AFG1L: variants seen among roughly 807,000 people sequenced by gnomAD.
AFG1L encodes the protein AFG1-like ATPase.
Under a neutral mutation model 62.2 loss-of-function variants are expected in AFG1L, and 53 were observed. The ratio of observed to expected loss-of-function variants is 0.85; its 90% CI spans 0.68 to 1.07. The LOEUF (loss-of-function observed/expected upper bound fraction) is 1.07. Ranked by LOEUF, AFG1L falls within the 50% of genes least tolerant of loss-of-function variation. The pLI is 0.00. For synonymous variants in AFG1L, 228 were observed against 210.3 expected (o/e 1.08, Z -0.73); for missense variants, 555 against 590.5 (o/e 0.94, Z 0.62).
chr6:108,474,121 G>A lies in AFG1L; in HGVS notation c.891-2744G>A, dbSNP rs56920448. ...ATTGTTCAGCTTCCACTTTAGAAGC[G>A]AGAACATGTAGTGTTTGGTTTTCTG... On this transcript the variant is annotated intron_variant, in intron 8 of 12. Coordinates refer to ENST00000368977, the MANE Select transcript of AFG1L (RefSeq NM_145315.5). Among the ~76,000 whole-genome samples the A allele has an allele frequency of 4.4e-3, 667 of 152,230 alleles. 5 individuals carry two copies. Among genetic ancestry groups the A allele is most frequent in the African/African-American group, 0.014 (593 of 41,546 alleles).
chr6:108,362,760 A>G (rs1360436964), intron 5 of AFG1L, among the ~76,000 whole-genome samples: 3 of 152,224 alleles, frequency 2.0e-5, no homozygotes, highest in Non-Finnish European at 1.5e-5. Flanking sequence ...GCTATGCTAT[A>G]CATTTTCCTT....
At chr6:108,416,083 C>A (rs192609735) in intron 7 of AFG1L, among the ~76,000 whole-genome samples, 4 of 152,190 alleles carry the variant, frequency 2.6e-5, no homozygotes, top group African/African-American at 9.6e-5. Flanking sequence ...AAGAAAAAGT[C>A]AAACAACCCC....
chr6:108,308,465 C>T (rs1441325570), intron 1 of AFG1L, among the ~76,000 whole-genome samples: 1 of 152,050 alleles, frequency 6.6e-6, no homozygotes, highest in Non-Finnish European at 1.5e-5. Flanking sequence ...TTTTTCATTG[C>T]TAATGGAGTC....
chr6:108,504,744 C>CCTGT (rs1774333660), intron 10 of AFG1L, among the ~76,000 whole-genome samples: 1 of 152,300 alleles, frequency 6.6e-6, no homozygotes, highest in Admixed American at 6.5e-5. Context: ...ATGAAGTGTG[C>CCTGT]CTGTAGTCTA....
chr6:108,509,409 A>T (rs906925036), intron 10 of AFG1L, among the ~76,000 whole-genome samples: 1 of 152,210 alleles, frequency 6.6e-6, no homozygotes, highest in Non-Finnish European at 1.5e-5. Flanking sequence ...AAATTAAACT[A>T]AAAATAATTT....
chr6:108,322,699 A>G (rs1431550010), intron 1 of AFG1L, among the ~76,000 whole-genome samples: 1 of 152,192 alleles, frequency 6.6e-6, no homozygotes, highest in Admixed American at 6.5e-5. Flanking sequence ...TCTTTTTGCT[A>G]AAGTAATTTT....
intron 1 of AFG1L, among the ~76,000 whole-genome samples, chr6:108,313,156 A>G (rs770188377): frequency 2.0e-5 from 3 of 152,150 alleles, no homozygotes; most frequent in Non-Finnish European, 4.4e-5. Flanking sequence ...TTAGAGCTGA[A>G]ACGGTGGAGT....
At chr6:108,387,349 GTGGGT>G (rs1780810386) in intron 6 of AFG1L, among the ~76,000 whole-genome samples, 1 of 152,264 alleles carries the variant, frequency 6.6e-6, no homozygotes, top group African/African-American at 2.4e-5. Context: ...GTGACTGCCA[GTGGGT>G]AGGCCATGGT....
At chr6:108,370,625 T>C (rs1167506330) in intron 6 of AFG1L, among the ~76,000 whole-genome samples, 3 of 151,972 alleles carry the variant, frequency 2.0e-5, no homozygotes, top group Non-Finnish European at 4.4e-5. Flanking sequence ...GAGAGAAGGA[T>C]AGATTTGAGA....
intron 1 of AFG1L, among the ~76,000 whole-genome samples, chr6:108,316,694 G>C (rs1044353611): frequency 2.6e-5 from 4 of 151,630 alleles, no homozygotes; most frequent in African/African-American, 9.7e-5. Flanking sequence ...CACCACGCCT[G>C]GCTAATTTTT....
At chr6:108,353,343 A>G (rs542752446) in intron 3 of AFG1L, among the ~76,000 whole-genome samples, 33 of 152,092 alleles carry the variant, frequency 2.2e-4, no homozygotes, top group Admixed American at 2.6e-4. Context: ...TTTAGTAGAG[A>G]TGAGATCTCA....
chr6:108,472,502 C>T (rs1772935393), intron 8 of AFG1L, among the ~76,000 whole-genome samples: 1 of 152,068 alleles, frequency 6.6e-6, no homozygotes, highest in Non-Finnish European at 1.5e-5. Flanking sequence ...TTAATATATA[C>T]AACAAAAAAG....
At chr6:108,385,278 T>A (rs1780712423) in intron 6 of AFG1L, among the ~76,000 whole-genome samples, 1 of 152,242 alleles carries the variant, frequency 6.6e-6, no homozygotes, top group African/African-American at 2.4e-5. Flanking sequence ...GACACATTTG[T>A]GATGGCCATG....
intron 6 of AFG1L, among the ~76,000 whole-genome samples, chr6:108,398,169 A>G (rs1582515171): frequency 6.6e-6 from 1 of 152,130 alleles, no homozygotes; most frequent in Non-Finnish European, 1.5e-5. Flanking sequence ...ATGATACTTC[A>G]TTGTAGTTTT....
intron 1 of AFG1L, among the ~76,000 whole-genome samples, chr6:108,323,608 G>T (rs895490698): frequency 9.9e-5 from 15 of 152,138 alleles, no homozygotes; most frequent in African/African-American, 3.6e-4. Context: ...TGATCTGCCT[G>T]CCTTGGTCTC....
At chr6:108,460,603 T>C (rs1772417898) in intron 8 of AFG1L, among the ~76,000 whole-genome samples, 1 of 152,212 alleles carries the variant, frequency 6.6e-6, no homozygotes, top group South Asian at 2.1e-4. Context: ...TGTTTTCTGT[T>C]TTTTGATTTT....
chr6:108,307,628 T>C (rs1297738923), intron 1 of AFG1L, among the ~76,000 whole-genome samples: 1 of 152,196 alleles, frequency 6.6e-6, no homozygotes, highest in African/African-American at 2.4e-5. Context: ...CAGGCCTATA[T>C]AGTACTGCTA....
intron 7 of AFG1L, among the ~76,000 whole-genome samples, chr6:108,440,141 A>G (rs187892593): frequency 2.6e-5 from 4 of 152,290 alleles, no homozygotes; most frequent in Non-Finnish European, 5.9e-5. Flanking sequence ...AATGTTTTAT[A>G]ATAAGCATGG....
Position 108,469,984 on chromosome 6 carries a change from C to A in AFG1L, c.891-6881C>A, listed in dbSNP as rs1274058414. 2.0e-5 allele frequency among the ~76,000 whole-genome samples: 3 copies of A among 152,098 alleles called. No homozygotes were observed. In the East Asian group the frequency reaches 5.8e-4, roughly 29 times the overall value. On this transcript the variant is annotated intron_variant, in intron 8 of 12. Coordinates refer to ENST00000368977, the MANE Select transcript of AFG1L (RefSeq NM_145315.5). ...TCTTTATCTTATTTTCAAACAAATA[C>A]CCGTTTGCAGCCTAACTCCTCACCT...
Sources: allele counts gnomAD v4.1 joint callset (sites outside exome capture counted in the v4.1 genomes callset), GRCh38; gene constraint gnomAD v4.1.1; transcripts MANE v1.5; gene names NCBI Gene and HGNC (gene_info 2026-07-23, HGNC 2026-07-21).